MED16: variants seen among roughly 807,000 people sequenced by gnomAD.
MED16 encodes the protein mediator of RNA polymerase II transcription subunit 16.
Under a neutral mutation model 84.4 loss-of-function variants are expected in MED16, and 81 were observed. The observed-to-expected ratio is 0.96, with a 90% CI of 0.80 to 1.15. The LOEUF is 1.15. MED16 is among the 50% of genes most tolerant of loss of function. MED16 has a pLI of 0.00. For missense variants in MED16, 1,585 were observed against 1,245.9 expected, an observed-to-expected ratio of 1.27 and a Z score of -4.10; for synonymous variants, 897 against 552.2, an observed-to-expected ratio of 1.62 and a Z score of -8.76.
At chr19:890,305 A>C in intron 2 of MED16, 61 bp from the exon 3 acceptor site, 1 of 1,206,686 alleles carries the variant, frequency 8.3e-7, no homozygotes, top group Non-Finnish European at 1.1e-6. Context: ...GATGACGATG[A>C]CTCCAGGCAG....
At chr19:879,898 T>C (rs1450705495) in intron 8 of MED16, 39 bp downstream of exon 8, 5 of 1,462,322 alleles carry the variant, frequency 3.4e-6, no homozygotes, top group Admixed American at 2.3e-5. Flanking sequence ...TGGTTGTCAA[T>C]GCCCACCAGC....
chr19:871,399 T>G (rs2036050750), intron 12 of MED16, 146 bp from the exon 13 acceptor site: 1 of 1,307,906 alleles, frequency 7.6e-7, no homozygotes, highest in East Asian at 2.5e-5. Flanking sequence ...CGGGGTTCTC[T>G]CACCAGGTCG....
chr19:873,359 T>C, intron 11 of MED16, 90 bp downstream of exon 11: 2 of 1,064,360 alleles, frequency 1.9e-6, no homozygotes, highest in Non-Finnish European at 2.4e-6. Flanking sequence ...GGGGCTGAGG[T>C]GGTTTTGAGG....
chr19:891,246 G>A (rs898874630), intron 1 of MED16, 97 bp from the exon 2 acceptor site: 7 of 1,244,714 alleles, frequency 5.6e-6, no homozygotes, highest in Non-Finnish European at 7.8e-6. Context: ...GAGGCCCGTG[G>A]TAGAGGGAAC....
Position 891,072 on chromosome 19 carries a change from C to A in MED16, c.60G>T (p.Glu20Asp). The A allele has an allele frequency of 6.2e-7, 1 of 1,614,110 alleles. No individual in the cohort carries two copies. Among genetic ancestry groups the A allele is most frequent in the East Asian group, 2.2e-5 (1 of 44,884 alleles). Residue 20 changes from glutamate (E) to aspartate (D), a missense_variant, in exon 2 of 16, where the codon GAG (glutamate) becomes GAT (aspartate). Glu to Asp is a conservative substitution (Grantham distance 45). Transcript: ENST00000325464. The part of the protein sequence containing the change: ...GGMMDLAYVC[E>D]WEKWSKSTHC... ...GGGTGCTCTTGGACCATTTCTCCCACTCACAGACGTAGGCCAAGTCCATCA... is the reference window on the plus strand; with the variant it reads ...GGGTGCTCTTGGACCATTTCTCCCAATCACAGACGTAGGCCAAGTCCATCA...
rs887669856 is a variant in MED16 at position 887,112 on chromosome 19, C to T, written c.448-911G>A. On this transcript the variant is annotated intron_variant, in intron 4 of 15. Transcript: ENST00000325464. Reference sequence around the variant, plus strand: ...AAAAAAAAAAGAACAAGAAAAATGTCTCTACGTTGTGAAAAAATGCGAGGA... The same window carrying T: ...AAAAAAAAAAGAACAAGAAAAATGTTTCTACGTTGTGAAAAAATGCGAGGA... 2.6e-4 allele frequency among the ~76,000 whole-genome samples: 39 copies of T among 152,010 alleles called. 1 individual carries two copies. Among genetic ancestry groups the T allele is most frequent in the African/African-American group, 8.9e-4 (37 of 41,456 alleles).
In MED16 at chr19:873,537, A is replaced by C. The variant is rs996870320; in HGVS notation, c.1817T>G (p.Leu606Arg). The C allele has an allele frequency of 2.5e-6, 4 of 1,612,264 alleles. No individual in the cohort carries two copies. Among genetic ancestry groups the C allele is most frequent in the African/African-American group, 2.7e-5 (2 of 74,840 alleles). ...MINLKTEEFVLDMNTLQALQQ... is the reference protein window; with the variant it reads ...MINLKTEEFVRDMNTLQALQQ... ...CAGCGCCTGCAGTGTGTTCATGTCC[A>C]GCACAAATTCCTCCGTCTTGAGGTT... Residue 606 changes from leucine to arginine, a missense_variant, in exon 11 of 16, where the codon CTG becomes CGG. Transcript: ENST00000325464.
At chr19:885,162 G>A (rs2036500777) in intron 5 of MED16, among the ~76,000 whole-genome samples, 154 bp from the exon 6 acceptor site, 1 of 152,144 alleles carries the variant, frequency 6.6e-6, no homozygotes, top group Non-Finnish European at 1.5e-5. Context: ...TCCAGCCCAG[G>A]CCTGTCCCCA....
In MED16 at chr19:886,027, G is replaced by T; in HGVS notation, c.622C>A (p.Arg208=). The T allele has an allele frequency of 6.3e-7, 1 of 1,599,294 alleles. No individual in the cohort carries two copies. Residue 208 remains arginine, a synonymous_variant, in exon 5 of 16, where the codon CGG becomes AGG. Coordinates refer to ENST00000325464, the MANE Select transcript of MED16 (RefSeq NM_005481.3). ...QVLTSTESLC[R]LRGRVALADI... is the part of the protein sequence containing the mutation. ...GCCAGGGCCACGCGGCCGCGCAGCC[G>T]GCACAGGCTCTCGGTGGACGTCAGC... is the stretch of plus-strand genomic sequence containing the variant.
chr19:871,158 G>A lies in MED16; in HGVS notation c.2194C>T (p.Leu732=), dbSNP rs1392469335. 7 of 1,548,550 alleles carry A rather than the reference G, an allele frequency of 4.5e-6. No homozygotes were observed. The highest frequency in any genetic ancestry group is 5.2e-6 in the Non-Finnish European group (6 of 1,145,886). Residue 732 remains leucine (L), a synonymous_variant, in exon 13 of 16, where the codon CTG becomes TTG. Coordinates refer to ENST00000325464, the MANE Select transcript of MED16 (RefSeq NM_005481.3). ...CTAACCAGGCCGTCGCTGGCTGGCA[G>A]CCAGTCCAGGCTGGGGATAAGCAGC... is the stretch of plus-strand genomic sequence containing the variant. ...SQLLIPSLDW[L]PASDGLVSRL...
chr19:880,690 C>A (rs575941403), intron 7 of MED16, among the ~76,000 whole-genome samples: 1 of 152,174 alleles, frequency 6.6e-6, no homozygotes, highest in East Asian at 1.9e-4. Context: ...GAGGCTGAGG[C>A]GGGCAGATTG....
intron 4 of MED16, among the ~76,000 whole-genome samples, chr19:889,118 G>A (rs2036581073): frequency 1.9e-5 from 2 of 104,560 alleles, no homozygotes; most frequent in Non-Finnish European, 3.6e-5. Context: ...CTTCTTAACT[G>A]TCCCCAACCC....
rs779476612 is a variant in MED16, at chr19:880,155, G to C, written c.1142-7C>G. 2 of 1,604,356 alleles carry C rather than the reference G, an allele frequency of 1.2e-6. No individual in the cohort carries two copies. Among genetic ancestry groups the C allele is most frequent in the Non-Finnish European group, 1.7e-6 (2 of 1,177,756 alleles). ...TGGAAGGCCAGGGCCAGCCCTGTGG[G>C]GCACAGGCACTGCTTAGACATGGGC... On this transcript the variant is annotated splice_region_variant and splice_polypyrimidine_tract_variant and intron_variant, in intron 7 of 15. Coordinates refer to ENST00000325464, the MANE Select transcript of MED16 (RefSeq NM_005481.3).
chr19:870,060 G>A (rs751346651), intron 13 of MED16, among the ~76,000 whole-genome samples: 1 of 152,128 alleles, frequency 6.6e-6, no homozygotes, highest in African/African-American at 2.4e-5. Flanking sequence ...AGAAAGGCCA[G>A]CCCCGGGCCC....
At chr19:879,479 ACCAGCC>A (rs2036360114) in intron 8 of MED16, among the ~76,000 whole-genome samples, 1 of 128,124 alleles carries the variant, frequency 7.8e-6, no homozygotes, top group East Asian at 2.6e-4. Context: ...GTCAATGCCC[ACCAGCC>A]CCAGCCCCAC....
At chr19:887,705 G>T (rs1265114201) in intron 4 of MED16, among the ~76,000 whole-genome samples, 1 of 152,214 alleles carries the variant, frequency 6.6e-6, no homozygotes, top group Middle Eastern at 3.4e-3. Context: ...GCGAGGCTCT[G>T]ACTCAGGCCA....
chr19:872,605 G>A (rs1343409753), intron 11 of MED16, among the ~76,000 whole-genome samples: 3 of 151,642 alleles, frequency 2.0e-5, no homozygotes, highest in East Asian at 2.0e-4. Flanking sequence ...GAAGCCGGGT[G>A]GGTGGGGCAG....
intron 11 of MED16, 121 bp from the exon 12 acceptor site, chr19:872,239 G>T: frequency 1.2e-6 from 1 of 814,992 alleles, no homozygotes; most frequent in South Asian, 1.8e-5. Context: ...GGACATTTGT[G>T]GTGGTCAGGA....
At chr19:869,110 C>A (rs1439666454) in intron 13 of MED16, among the ~76,000 whole-genome samples, 164 bp from the exon 14 acceptor site, 2 of 152,058 alleles carry the variant, frequency 1.3e-5, no homozygotes, top group African/African-American at 2.4e-5. Context: ...TGCGGGACCA[C>A]CTGAGACAGG....
Sources: gnomAD v4.1 joint callset for allele counts (sites outside exome capture counted in the v4.1 genomes callset) on GRCh38, gnomAD v4.1.1 for gene constraint, MANE v1.5 for transcripts, NCBI Gene and HGNC (gene_info 2026-07-23, HGNC 2026-07-21) for gene names.